MCM5: variants seen among roughly 807,000 people sequenced by gnomAD.
MCM5 encodes the protein DNA replication licensing factor MCM5.
A neutral mutation model predicts 79.9 loss-of-function variants in MCM5; 46 were observed. The observed-to-expected ratio is 0.58, with a 90% CI of 0.45 to 0.74. MCM5 has a LOEUF of 0.74. Among genes scored for constraint, MCM5 ranks in the 30% least tolerant of loss-of-function variants. MCM5 has a pLI of 0.00. For missense variants in MCM5, 883 were observed against 1,017.0 expected, an observed-to-expected ratio of 0.87 and a Z score of 1.79; for synonymous variants, 404 against 390.5, an observed-to-expected ratio of 1.03 and a Z score of -0.41.
At chr22:35,417,589 T>C (rs566747857) in intron 12 of MCM5, among the ~76,000 whole-genome samples, 155 bp from the exon 13 acceptor site, 1 of 152,360 alleles carries the variant, frequency 6.6e-6, no homozygotes, top group African/African-American at 2.4e-5. Context: ...GGCCTGGTGC[T>C]GAGCAAACAG....
At chr22:35,430,360 G>A (rs1222288555), downstream of MCM5, among the ~76,000 whole-genome samples, 1 of 152,232 alleles carries the variant, frequency 6.6e-6, no homozygotes, top group Non-Finnish European at 1.5e-5. Flanking sequence ...AATAACAAGA[G>A]CTTTGCCAGG....
At position 35,423,277 on chromosome 22, in the gene MCM5, A is replaced by G. The variant is rs925331671; in HGVS notation, c.2039A>G (p.Lys680Arg). 21 of 1,608,924 alleles carry G rather than the reference A, an allele frequency of 1.3e-5. No individual in the cohort carries two copies. The highest frequency in any genetic ancestry group is 2.7e-5 in the African/African-American group (2 of 74,790). The change falls in exon 16 of 17, where the codon AAG becomes AGG. Residue 680 changes from lysine (K) to arginine (R), a missense_variant. Around this residue, in one of 3 missense-constraint regions of MCM5, gnomAD observed 426 missense variants for 482.3 expected, o/e 0.88. Transcript: ENST00000216122. ...EMLSRIEKQL[K>R]RRFAIGSQVS... ...CTGAGCCGCATCGAGAAGCAGCTCA[A>G]GCGCCGCTTTGCCATTGGCTCCCAG...
At chr22:35,447,097 G>A in the MCM5 span, among the ~76,000 whole-genome samples, 1 of 152,150 alleles carries the variant, frequency 6.6e-6, no homozygotes, top group Non-Finnish European at 1.5e-5. Flanking sequence ...TGGTCCTGCT[G>A]GCCCTTCCTG....
At chr22:35,405,456 TC>T (rs1435556521) in intron 4 of MCM5, among the ~76,000 whole-genome samples, 1 of 152,056 alleles carries the variant, frequency 6.6e-6, no homozygotes, top group Non-Finnish European at 1.5e-5. Flanking sequence ...AACCCCTGCT[TC>T]CCCGGTTCAA....
At chr22:35,428,970 CTTTTTTTTTTT>C (rs35549972), downstream of MCM5, among the ~76,000 whole-genome samples, 18 of 65,518 alleles carry the variant, frequency 2.7e-4, no homozygotes, top group African/African-American at 4.7e-4. Flanking sequence ...TTTCTTTGAC[CTTTTTTTTTTT>C]TTTTTTTTTT....
intron 4 of MCM5, among the ~76,000 whole-genome samples, chr22:35,405,611 T>TC (rs1932189777): frequency 6.6e-6 from 1 of 151,782 alleles, no homozygotes; most frequent in African/African-American, 2.4e-5. Flanking sequence ...AAGTGATCCG[T>TC]CCGCCTCGGC....
the MCM5 span, among the ~76,000 whole-genome samples, chr22:35,447,006 T>C: frequency 6.6e-6 from 1 of 152,168 alleles, no homozygotes; most frequent in East Asian, 1.9e-4. Flanking sequence ...CTGCCCCGAC[T>C]CCGGGCAGCG....
At chr22:35,444,253 T>G in the MCM5 span, among the ~76,000 whole-genome samples, 2 of 139,764 alleles carry the variant, frequency 1.4e-5, no homozygotes, top group African/African-American at 5.4e-5. Flanking sequence ...TGGGGAGGAA[T>G]TAATGGGTGA....
the MCM5 span, among the ~76,000 whole-genome samples, chr22:35,442,164 G>A: frequency 1.3e-5 from 2 of 151,752 alleles, no homozygotes; most frequent in African/African-American, 4.8e-5. Flanking sequence ...TTCACCCCCT[G>A]GCCCCACCTG....
At chr22:35,435,189 G>C in the MCM5 span, among the ~76,000 whole-genome samples, 1 of 152,194 alleles carries the variant, frequency 6.6e-6, no homozygotes, top group African/African-American at 2.4e-5. Context: ...CTGGGAGGCA[G>C]GGAGAGAGAT....
At chr22:35,442,308 G>A in the MCM5 span, among the ~76,000 whole-genome samples, 2 of 151,568 alleles carry the variant, frequency 1.3e-5, no homozygotes, top group South Asian at 4.1e-4. Context: ...TCTGCTCTTC[G>A]GCCTAGGGGG....
At chr22:35,449,138 C>T in the MCM5 span, among the ~76,000 whole-genome samples, 37 of 152,078 alleles carry the variant, frequency 2.4e-4, no homozygotes, top group Non-Finnish European at 4.6e-4. Flanking sequence ...TGCAGGAAAC[C>T]GAGGGTACTG....
the MCM5 span, among the ~76,000 whole-genome samples, chr22:35,446,520 G>A: frequency 6.6e-6 from 1 of 152,116 alleles, no homozygotes; most frequent in Admixed American, 6.5e-5. Flanking sequence ...GCGAGTGGAC[G>A]AGCAGATGAC....
intron 14 of MCM5, 109 bp downstream of exon 14, chr22:35,420,121 C>A: frequency 7.6e-7 from 1 of 1,313,198 alleles, no homozygotes; most frequent in Non-Finnish European, 1.0e-6. Flanking sequence ...GGCACAGGCC[C>A]ATAGTAGCTC....
chr22:35,438,591 C>CATCCACCCACCCACAAATT, the MCM5 span, among the ~76,000 whole-genome samples: 1 of 48,090 alleles, frequency 2.1e-5, no homozygotes, highest in African/African-American at 9.0e-5. Context: ...ATCCATCCAT[C>CATCCACCCACCCACAAATT]CATGCATCCA....
chr22:35,414,486 A>G (rs1053588670), intron 9 of MCM5, among the ~76,000 whole-genome samples: 2 of 151,990 alleles, frequency 1.3e-5, no homozygotes, highest in African/African-American at 4.8e-5. Context: ...GCCAGGCGTG[A>G]TATGCACCTG....
chr22:35,409,538 C>T (rs184950918), intron 6 of MCM5: 1 of 152,354 alleles, frequency 6.6e-6, no homozygotes, highest in African/African-American at 2.4e-5. Flanking sequence ...TACACCACTC[C>T]ACTCTAGCCT....
chr22:35,445,570 C>T, the MCM5 span, among the ~76,000 whole-genome samples: 2 of 150,476 alleles, frequency 1.3e-5, no homozygotes, highest in Admixed American at 6.6e-5. Flanking sequence ...AGTGCAGTGG[C>T]GCGATCTCAG....
At chr22:35,433,530 C>G in the MCM5 span, among the ~76,000 whole-genome samples, 1 of 152,118 alleles carries the variant, frequency 6.6e-6, no homozygotes, top group South Asian at 2.1e-4. Context: ...CCTTTGGGGA[C>G]CTTGGGGGGG....
Sources: gnomAD v4.1 joint callset for allele counts (sites outside exome capture counted in the v4.1 genomes callset) on GRCh38, gnomAD v4.1.1 for gene constraint, gnomAD v4.1.1 regional missense constraint, MANE v1.5 for transcripts, NCBI Gene and HGNC (gene_info 2026-07-23, HGNC 2026-07-21) for gene names.